Variants in MAP4K5 observed in about 807,000 individuals in gnomAD.
The protein encoded by MAP4K5 is MAPK/ERK kinase kinase kinase 5.
A neutral mutation model predicts 135.6 loss-of-function variants in MAP4K5; 82 were observed. The observed-to-expected ratio is 0.60, with a 90% confidence interval of 0.51 to 0.73. The LOEUF (loss-of-function observed/expected upper bound fraction) is 0.73. MAP4K5 is among the 30% of genes least tolerant of loss of function. The pLI is 0.00. For missense variants in MAP4K5, 907 were observed against 1,010.9 expected, an observed-to-expected ratio of 0.90 and a Z score of 1.39; for synonymous variants, 347 against 335.0, an observed-to-expected ratio of 1.04 and a Z score of -0.39.
intron 9 of MAP4K5, chr14:50,472,695 C>T (rs902637936): frequency 6.6e-6 from 1 of 152,170 alleles, no homozygotes; most frequent in Non-Finnish European, 1.5e-5. Flanking sequence ...TTGTTTCTCT[C>T]AGGTACATTC....
chr14:50,532,044 C>A lies in MAP4K5; in HGVS notation c.6G>T (p.Glu2Asp). 2 of 1,563,550 alleles carry A rather than the reference C, an allele frequency of 1.3e-6. No individual in the cohort carries two copies. The highest frequency in any genetic ancestry group is 1.7e-6 in the Non-Finnish European group (2 of 1,151,694). Residue 2 changes from glutamate (E) to aspartate (D), a missense_variant, in exon 2 of 33, where the codon GAG (glutamate) becomes GAT (aspartate). Transcript: ENST00000682126. M[E>D]APLRPAADIL... ...TGTCCGCGGCAGGCCGCAGCGGGGC[C>A]TCCATCTTCACTTAGGGCCCGGCCC... is the stretch of plus-strand genomic sequence containing the variant.
intron 1 of MAP4K5, chr14:50,560,190 C>T: frequency 7.6e-6 from 12 of 1,582,520 alleles, no homozygotes; most frequent in Non-Finnish European, 9.5e-6. Flanking sequence ...AGCCTCCCAC[C>T]GCCAGCAACC....
At position 50,419,895 on chromosome 14, in the gene MAP4K5, A is replaced by T; in HGVS notation, c.*124T>A. 1.4e-6 allele frequency: 1 copy of T among 697,576 alleles called. No homozygotes were observed. The highest frequency in any genetic ancestry group is 2.6e-6 in the Non-Finnish European group (1 of 391,880). 43.2% of individuals were successfully genotyped at this position (697,576 alleles called of 1,614,324 possible). On this transcript the variant is annotated 3_prime_UTR_variant, in exon 33 of 33. Transcript: ENST00000682126. Reference sequence around the variant, plus strand: ...TATTGAATTCTACCCTAAAGTACAGATCATTTGCAATATAACCCATAATAG... The same window carrying T: ...TATTGAATTCTACCCTAAAGTACAGTTCATTTGCAATATAACCCATAATAG...
At chr14:50,475,182 T>C in intron 8 of MAP4K5, 33 bp from the exon 9 acceptor site, 1 of 1,500,446 alleles carries the variant, frequency 6.7e-7, no homozygotes, top group Non-Finnish European at 9.3e-7. Context: ...ATTTTAGTTC[T>C]TTACAATACA....
intron 28 of MAP4K5, among the ~76,000 whole-genome samples, chr14:50,430,475 T>C (rs2035945066): frequency 6.6e-6 from 1 of 152,210 alleles, no homozygotes; most frequent in Admixed American, 6.5e-5. Flanking sequence ...TTGTATGACT[T>C]TTCCTTCAAA....
intron 2 of MAP4K5, among the ~76,000 whole-genome samples, chr14:50,520,956 G>A (rs898678206): frequency 1.3e-5 from 2 of 151,758 alleles, no homozygotes. Context: ...CCAAGTAGTT[G>A]GGAATACAGG....
At chr14:50,444,996 A>T in intron 18 of MAP4K5, 45 bp downstream of exon 18, 5 of 1,563,640 alleles carry the variant, frequency 3.2e-6, no homozygotes, top group Non-Finnish European at 4.3e-6. Context: ...AGATAACAAT[A>T]TCTAGCCATA....
intron 3 of MAP4K5, among the ~76,000 whole-genome samples, chr14:50,501,258 G>T (rs2037700227): frequency 6.6e-6 from 1 of 151,954 alleles, no homozygotes; most frequent in African/African-American, 2.4e-5. Flanking sequence ...TGTAAACCAA[G>T]AATTCAACAG....
chr14:50,537,391 C>G (rs1321322956), upstream of MAP4K5, among the ~76,000 whole-genome samples: 2 of 152,238 alleles, frequency 1.3e-5, no homozygotes, highest in Admixed American at 6.5e-5. Flanking sequence ...GTAGTGCCCT[C>G]ACGGAGAACC....
At chr14:50,446,511 C>T (rs2036352072) in intron 16 of MAP4K5, among the ~76,000 whole-genome samples, 1 of 152,198 alleles carries the variant, frequency 6.6e-6, no homozygotes, top group Non-Finnish European at 1.5e-5. Context: ...GCAGAATTGG[C>T]ATCATCTGGG....
chr14:50,457,406 T>C (rs2036615435), intron 13 of MAP4K5, among the ~76,000 whole-genome samples: 1 of 152,076 alleles, frequency 6.6e-6, no homozygotes, highest in Admixed American at 6.5e-5. Context: ...GTGAGAAGCA[T>C]AATACTTCTA....
In MAP4K5 at chr14:50,434,410, A is replaced by C; in HGVS notation, c.2148T>G (p.Phe716Leu). The change falls in exon 28 of 33, where the codon TTT becomes TTG. Residue 716 changes from phenylalanine (F) to leucine (L), a missense_variant. Transcript: ENST00000682126. ...AATACTTACCTGCACCAATTTCTGT[A>C]AACCATGAAGATGCAGAGTTCAAAT... ...TINLNSASSW[F>L]TEIGAGSQQL... is the part of the protein sequence containing the mutation. 6.2e-7 allele frequency: 1 copy of C among 1,605,350 alleles called. No homozygotes were observed. Among genetic ancestry groups the C allele is most frequent in the South Asian group, 1.1e-5 (1 of 89,004 alleles).
intron 3 of MAP4K5, among the ~76,000 whole-genome samples, chr14:50,492,752 A>G (rs1243623704): frequency 6.6e-6 from 1 of 152,232 alleles, no homozygotes; most frequent in African/African-American, 2.4e-5. Flanking sequence ...ACTCATGCCT[A>G]TCCTATATAG....
chr14:50,430,757 G>A (rs1480021489), intron 28 of MAP4K5, among the ~76,000 whole-genome samples: 1 of 152,134 alleles, frequency 6.6e-6, no homozygotes, highest in Non-Finnish European at 1.5e-5. Flanking sequence ...AAAATTAAGA[G>A]TTTCTAAGCT....
chr14:50,469,761 G>A (rs2036915174), intron 9 of MAP4K5, among the ~76,000 whole-genome samples: 1 of 152,194 alleles, frequency 6.6e-6, no homozygotes, highest in South Asian at 2.1e-4. Context: ...AATCAGCACT[G>A]TAGAAGGCCT....
chr14:50,539,238 G>A (rs1159314815), intron 2 of MAP4K5, among the ~76,000 whole-genome samples: 1 of 152,230 alleles, frequency 6.6e-6, no homozygotes, highest in Non-Finnish European at 1.5e-5. Context: ...ACATGAAATG[G>A]AGTGTCAGTG....
intron 2 of MAP4K5, among the ~76,000 whole-genome samples, chr14:50,515,060 C>T (rs926435048): frequency 2.6e-5 from 4 of 152,046 alleles, no homozygotes; most frequent in East Asian, 1.9e-4. Context: ...CTCGCCGCCA[C>T]GCTAGGCTAA....
intron 2 of MAP4K5, among the ~76,000 whole-genome samples, chr14:50,524,433 C>G (rs2038216104): frequency 6.6e-6 from 1 of 152,004 alleles, no homozygotes; most frequent in Non-Finnish European, 1.5e-5. Context: ...AGGCAATATA[C>G]TAGTACAGGT....
chr14:50,532,724 A>G (rs1402428456), upstream of MAP4K5: 1 of 152,440 alleles, frequency 6.6e-6, no homozygotes, highest in Non-Finnish European at 1.5e-5. Context: ...CTGAGAACAC[A>G]ACACCCTCCC....
Sources: allele counts gnomAD v4.1 joint callset (sites outside exome capture counted in the v4.1 genomes callset), GRCh38; gene constraint gnomAD v4.1.1; transcripts MANE v1.5; gene names NCBI Gene and HGNC (gene_info 2026-07-23, HGNC 2026-07-21).